The following SIPA1L3 variants were observed in gnomAD, a reference collection of about 807,000 sequenced individuals.
The protein encoded by SIPA1L3 is signal-induced proliferation-associated 1-like protein 3.
In SIPA1L3, 59 loss-of-function variants were observed where a neutral mutation model predicts 150.1. The ratio of observed to expected loss-of-function variants is 0.39; its 90% CI spans 0.32 to 0.49. The LOEUF (loss-of-function observed/expected upper bound fraction) is 0.49, where lower values mean the gene tolerates loss of function less well. Ranked by LOEUF, SIPA1L3 falls within the 20% of genes least tolerant of loss-of-function variation. The pLI is 0.86. For missense variants in SIPA1L3, 2,211 were observed against 2,489.5 expected (o/e 0.89, Z 2.38); for synonymous variants, 1,070 against 1,077.6 (o/e 0.99, Z 0.14).
intron 2 of SIPA1L3, among the ~76,000 whole-genome samples, chr19:38,080,799 G>A (rs758372716): frequency 5.3e-5 from 8 of 151,746 alleles, no homozygotes; most frequent in African/African-American, 1.2e-4. Context: ...ACAAAACCCC[G>A]TCTCTACTAA....
chr19:38,205,855 C>T (rs1408740968), intron 21 of SIPA1L3, among the ~76,000 whole-genome samples: 1 of 152,218 alleles, frequency 6.6e-6, no homozygotes, highest in African/African-American at 2.4e-5. Context: ...GTTCCGGGAG[C>T]TCTACATAGA....
chr19:38,056,258 GCCT>G (rs1969311927), intron 2 of SIPA1L3, among the ~76,000 whole-genome samples: 1 of 152,222 alleles, frequency 6.6e-6, no homozygotes, highest in Admixed American at 6.5e-5. Flanking sequence ...GGCTACCCTG[GCCT>G]CCTGATGAAG....
At chr19:38,111,940 T>C (rs1355048689) in intron 8 of SIPA1L3, among the ~76,000 whole-genome samples, 2 of 150,040 alleles carry the variant, frequency 1.3e-5, no homozygotes, top group Non-Finnish European at 1.5e-5. Context: ...CACATGCACA[T>C]GCACACACAT....
At chr19:37,959,813 C>G (rs1877846385) in intron 1 of SIPA1L3, among the ~76,000 whole-genome samples, 1 of 128,300 alleles carries the variant, frequency 7.8e-6, no homozygotes. Flanking sequence ...TTTTAAAAAA[C>G]TTTCTTTTTT....
In SIPA1L3 at chr19:38,141,269, C is replaced by T. The variant is rs780404050; in HGVS notation, c.3229C>T (p.Arg1077Cys). The change falls in exon 11 of 22, where the codon CGC (arginine) becomes TGC (cysteine). Residue 1077 changes from arginine (R) to cysteine (C), a missense_variant. Around this residue, in one of 5 missense-constraint regions of SIPA1L3, gnomAD observed 806 missense variants for 870.1 expected, o/e 0.93. Coordinates refer to ENST00000222345, the MANE Select transcript of SIPA1L3 (RefSeq NM_015073.3). ...SITPGGRPPY[R>C]SNAPWQWSGP... ...CACTCCTGGGGGCCGGCCCCCCTAC[C>T]GCAGCAATGCTCCCTGGCAGTGGAG... 1.1e-5 allele frequency: 18 copies of T among 1,613,676 alleles called. No homozygotes were observed. The highest frequency in any genetic ancestry group is 3.3e-5 in the South Asian group (3 of 91,072).
chr19:38,098,746 A>G (rs1346864004), intron 4 of SIPA1L3, among the ~76,000 whole-genome samples: 1 of 152,218 alleles, frequency 6.6e-6, no homozygotes, highest in African/African-American at 2.4e-5. Flanking sequence ...GGAATTGATC[A>G]CATGGTTGCC....
In SIPA1L3 at chr19:38,082,431, G is replaced by A. The variant is rs375334517; in HGVS notation, c.866G>A (p.Arg289Gln). The A allele has an allele frequency of 3.8e-5, 61 of 1,592,836 alleles. No homozygotes were observed. Among genetic ancestry groups the A allele is most frequent in the Non-Finnish European group, 5.0e-5 (59 of 1,172,590 alleles). ...GAGAAGGCCCGGAAGAAACCTGCGC[G>A]GGGCCTCGGCGGCGGGGACACGGTG... ...EKEKARKKPA[R>Q]GLGGGDTVDS... is the part of the protein sequence containing the mutation. The change falls in exon 3 of 22, where the codon CGG becomes CAG. Residue 289 changes from arginine to glutamine, a missense_variant. Physicochemically the swap from Arg to Gln is conservative, Grantham distance 43. This residue lies in a region of SIPA1L3 where 587 missense variants were observed against 534.5 expected (regional missense o/e 1.10). Coordinates refer to ENST00000222345, the MANE Select transcript of SIPA1L3 (RefSeq NM_015073.3).
chr19:37,978,453 A>G (rs542482303), intron 1 of SIPA1L3, among the ~76,000 whole-genome samples: 21 of 152,248 alleles, frequency 1.4e-4, no homozygotes, highest in Non-Finnish European at 2.8e-4. Flanking sequence ...ACTCCTCACA[A>G]TGGCCCATGA....
rs1388476467 is a variant in SIPA1L3, at chr19:38,195,804, C to A, written c.4840+2024C>A. Among the ~76,000 whole-genome samples, 7 of 129,020 alleles carry A rather than the reference C, an allele frequency of 5.4e-5. 1 individual carries two copies. Among genetic ancestry groups the A allele is most frequent in the Non-Finnish European group, 1.2e-4 (7 of 58,626 alleles). 84.6% of individuals were successfully genotyped at this position (129,020 alleles called of 152,430 possible). On this transcript the variant is annotated intron_variant, in intron 18 of 21. Coordinates refer to ENST00000222345, the MANE Select transcript of SIPA1L3 (RefSeq NM_015073.3). ...CACCACAGGCCCCGTCCCCCCCCGCCCCCCCGGGTTTCTCTCACCCCCCTC... is the reference window on the plus strand; with the variant it reads ...CACCACAGGCCCCGTCCCCCCCCGCACCCCCGGGTTTCTCTCACCCCCCTC...
intron 2 of SIPA1L3, among the ~76,000 whole-genome samples, chr19:38,078,705 A>T (rs1969911141): frequency 1.3e-5 from 2 of 152,148 alleles, no homozygotes; most frequent in Admixed American, 1.3e-4. Flanking sequence ...TTCCCAGGGA[A>T]AGAAAAGTTA....
At chr19:38,135,474 C>T (rs1202541060) in intron 10 of SIPA1L3, among the ~76,000 whole-genome samples, 3 of 152,196 alleles carry the variant, frequency 2.0e-5, no homozygotes, top group Non-Finnish European at 2.9e-5. Flanking sequence ...CTACGCTCCT[C>T]GAGGAAGGAC....
chr19:38,001,042 A>G (rs534257800), intron 1 of SIPA1L3, among the ~76,000 whole-genome samples: 1 of 150,668 alleles, frequency 6.6e-6, no homozygotes, highest in African/African-American at 2.4e-5. Context: ...TATCACACAT[A>G]TATCACACAT....
intron 8 of SIPA1L3, among the ~76,000 whole-genome samples, chr19:38,115,588 C>T (rs141216784): frequency 6.6e-6 from 1 of 152,166 alleles, no homozygotes; most frequent in South Asian, 2.1e-4. Context: ...TCATGGCCTC[C>T]TGCTCCTTGC....
intron 15 of SIPA1L3, among the ~76,000 whole-genome samples, chr19:38,177,941 G>T (rs920493678): frequency 6.6e-6 from 1 of 152,002 alleles, no homozygotes; most frequent in Non-Finnish European, 1.5e-5. Flanking sequence ...CACAAGAATC[G>T]CTTGAACCCC....
At chr19:37,909,007 A>G (rs1312030571) in intron 1 of SIPA1L3, among the ~76,000 whole-genome samples, 1 of 152,144 alleles carries the variant, frequency 6.6e-6, no homozygotes, top group African/African-American at 2.4e-5. Flanking sequence ...GTCCAACCTG[A>G]ACTCCTTCTC....
At chr19:38,203,128 C>T (rs914907702) in intron 20 of SIPA1L3, among the ~76,000 whole-genome samples, 3 of 152,214 alleles carry the variant, frequency 2.0e-5, no homozygotes, top group African/African-American at 7.2e-5. Context: ...GCTTTTCACA[C>T]TCTGGCTTCA....
chr19:38,082,929 G>C lies in SIPA1L3; in HGVS notation c.1364G>C (p.Gly455Ala). 2 of 1,613,126 alleles carry C rather than the reference G, an allele frequency of 1.2e-6. 1 individual carries two copies. The highest frequency in any genetic ancestry group is 2.2e-5 in the South Asian group (2 of 91,066). ...GCTTCCGTGGGCTCCCCGAGCAGCGGCGAGGGCCACCTGGCAGAGCCCGCC... is the reference window on the plus strand; with the variant it reads ...GCTTCCGTGGGCTCCCCGAGCAGCGCCGAGGGCCACCTGGCAGAGCCCGCC... Reference protein sequence around the residue: ...SRASVGSPSSGEGHLAEPALS... With the variant: ...SRASVGSPSSAEGHLAEPALS... The change falls in exon 3 of 22, where the codon GGC (glycine) becomes GCC (alanine). Residue 455 changes from glycine (G) to alanine (A), a missense_variant. Physicochemically the swap from Gly to Ala is moderately conservative, Grantham distance 60. Around this residue, in one of 5 missense-constraint regions of SIPA1L3, gnomAD observed 587 missense variants for 534.5 expected, o/e 1.10. Coordinates refer to ENST00000222345, the MANE Select transcript of SIPA1L3 (RefSeq NM_015073.3).
In SIPA1L3 at chr19:38,081,617, T is replaced by C. The variant is rs750143463; in HGVS notation, c.52T>C (p.Cys18Arg). The C allele has an allele frequency of 6.2e-7, 1 of 1,603,564 alleles. No individual in the cohort carries two copies. The highest frequency in any genetic ancestry group is 1.1e-5 in the South Asian group (1 of 90,736). Residue 18 changes from cysteine to arginine, a missense_variant, in exon 3 of 22, where the codon TGT becomes CGT. This residue lies in a region of SIPA1L3 where 130 missense variants were observed against 174.5 expected (regional missense o/e 0.74). Transcript: ENST00000222345. ...CGATGGTGTGGACCTGGCAGCCAGC[T>C]GTGGCGCCAGGGTGGGCGATGTCCT... Reference protein sequence around the residue: ...PSDGVDLAASCGARVGDVLPG... With the variant: ...PSDGVDLAASRGARVGDVLPG...
chr19:38,198,124 T>G (rs1973004968), intron 18 of SIPA1L3, among the ~76,000 whole-genome samples: 1 of 152,210 alleles, frequency 6.6e-6, no homozygotes, highest in Non-Finnish European at 1.5e-5. Flanking sequence ...TCCGTCTGCC[T>G]GGAATGTTCC....
Sources: gnomAD v4.1 joint callset for allele counts (sites outside exome capture counted in the v4.1 genomes callset) on GRCh38, gnomAD v4.1.1 for gene constraint, gnomAD v4.1.1 regional missense constraint, MANE v1.5 for transcripts, NCBI Gene and HGNC (gene_info 2026-07-23, HGNC 2026-07-21) for gene names.